PHF2: variants seen among roughly 807,000 people sequenced by gnomAD.
The protein encoded by PHF2 is lysine-specific demethylase PHF2.
A neutral mutation model predicts 120.5 loss-of-function variants in PHF2; 27 were observed. The ratio of observed to expected loss-of-function variants is 0.22; its 90% CI spans 0.17 to 0.31. PHF2 has a LOEUF of 0.31. Ranked by LOEUF, PHF2 falls within the 10% of genes least tolerant of loss-of-function variation. PHF2 has a pLI of 1.00. For missense variants in PHF2, 1,024 were observed against 1,434.8 expected (o/e 0.71, Z 4.63); for synonymous variants, 568 against 592.5 (o/e 0.96, Z 0.60).
At chr9:93,650,770 C>A (rs1316950159) in intron 5 of PHF2, among the ~76,000 whole-genome samples, 2 of 152,226 alleles carry the variant, frequency 1.3e-5, no homozygotes, top group Non-Finnish European at 2.9e-5. Context: ...CTCCAGCTGG[C>A]CCCTGGGAAA....
chr9:93,603,999 C>T (rs945390577), intron 1 of PHF2, among the ~76,000 whole-genome samples: 31 of 152,224 alleles, frequency 2.0e-4, no homozygotes, highest in Non-Finnish European at 4.1e-4. Context: ...CAGGAGACGG[C>T]AGTGTGTGCC....
At chr9:93,613,325 T>TA (rs1825668931) in intron 1 of PHF2, among the ~76,000 whole-genome samples, 1 of 152,186 alleles carries the variant, frequency 6.6e-6, no homozygotes, top group African/African-American at 2.4e-5. Context: ...CTCTGGGACT[T>TA]TAGCCACACA....
chr9:93,581,165 C>T (rs1010982797), intron 1 of PHF2, among the ~76,000 whole-genome samples: 2 of 152,304 alleles, frequency 1.3e-5, no homozygotes, highest in Admixed American at 1.3e-4. Flanking sequence ...TCTGTGTCCA[C>T]CTCCCTAGGG....
At chr9:93,652,483 G>C (rs1826385697) in intron 5 of PHF2, among the ~76,000 whole-genome samples, 1 of 151,856 alleles carries the variant, frequency 6.6e-6, no homozygotes, top group Non-Finnish European at 1.5e-5. Context: ...AGTAGAGACA[G>C]TGTTTCACCA....
intron 1 of PHF2, among the ~76,000 whole-genome samples, chr9:93,616,381 C>G (rs1587684182): frequency 6.7e-6 from 1 of 148,820 alleles, no homozygotes; most frequent in East Asian, 2.0e-4. Flanking sequence ...AAACTCCTTC[C>G]CAAGTTAGTC....
intron 1 of PHF2, among the ~76,000 whole-genome samples, chr9:93,609,159 A>G (rs1326772432): frequency 6.8e-6 from 1 of 146,398 alleles, no homozygotes; most frequent in African/African-American, 2.5e-5. Context: ...AATACTTAGC[A>G]CTCTATGGGT....
At chr9:93,641,469 T>G (rs1200654151) in intron 3 of PHF2, among the ~76,000 whole-genome samples, 1 of 152,238 alleles carries the variant, frequency 6.6e-6, no homozygotes, top group Non-Finnish European at 1.5e-5. Context: ...TGGTTGGTTG[T>G]TTGCCCTATG....
intron 1 of PHF2, among the ~76,000 whole-genome samples, chr9:93,629,471 G>T (rs1363710655): frequency 6.6e-6 from 1 of 152,132 alleles, no homozygotes; most frequent in Non-Finnish European, 1.5e-5. Flanking sequence ...TGGAGTCCTG[G>T]ACATGTCCTA....
rs925728735 is a variant in PHF2, at chr9:93,677,040, C to G, written c.3202+77C>G. The G allele has an allele frequency of 2.8e-6, 4 of 1,421,972 alleles. No homozygotes were observed. The highest frequency in any genetic ancestry group is 2.9e-5 in the African/African-American group (2 of 69,320). 88.1% of individuals were successfully genotyped at this position (1,421,972 alleles called of 1,614,324 possible). A position where few individuals can be genotyped will look rare whatever the true frequency, so the allele number is the denominator to read the frequency against. On this transcript the variant is annotated intron_variant, in intron 21 of 21. Transcript: ENST00000359246. The surrounding 1 kb of genome is among the most constrained non-coding windows in gnomAD (Gnocchi z 4.4). ...ATGGGCAGCCCCAGACATGCAGACT[C>G]GGCCCATGGTAGAGGGCAGCACATT... is the stretch of plus-strand genomic sequence containing the variant.
intron 1 of PHF2, among the ~76,000 whole-genome samples, chr9:93,628,577 A>G (rs369943772): frequency 6.6e-6 from 1 of 152,026 alleles, no homozygotes; most frequent in Admixed American, 6.5e-5. Flanking sequence ...CAGTGTCTTT[A>G]TGTTCATTTT....
chr9:93,677,771 G>GGGA lies in PHF2; in HGVS notation c.*98_*100dup. On this transcript the variant is annotated 3_prime_UTR_variant, in exon 22 of 22. Transcript: ENST00000359246. The surrounding 1 kb of genome is among the most constrained non-coding windows in gnomAD (Gnocchi z 4.4). ...AGGAGGGTGCCGAGCTGCCTCACCA[G>GGGA]GGAGGGCCTTGCCTCTTCCCGGCTG... is the stretch of plus-strand genomic sequence containing the variant. 1 of 867,376 alleles carries GGGA rather than the reference G, an allele frequency of 1.2e-6. No homozygotes were observed. The highest frequency in any genetic ancestry group is 1.9e-6 in the Non-Finnish European group (1 of 534,736). The allele number at this position is 867,376 out of a possible 1,614,324, so 53.7% of individuals were successfully genotyped here. A position where few individuals can be genotyped will look rare whatever the true frequency, so the allele number is the denominator to read the frequency against.
intron 1 of PHF2, among the ~76,000 whole-genome samples, chr9:93,599,711 G>T (rs1247500558): frequency 7.9e-5 from 12 of 152,222 alleles, no homozygotes; most frequent in African/African-American, 2.9e-4. Context: ...GGGCTGATGT[G>T]GTCCAGCACC....
At position 93,676,714 on chromosome 9, in the gene PHF2, T is replaced by TCCACCACCC. The variant is rs748696798; in HGVS notation, c.2954_2955insCACCACCCC (p.Thr986_Pro988dup). On this transcript the variant is annotated inframe_insertion, in exon 21 of 22. Coordinates refer to ENST00000359246, the MANE Select transcript of PHF2 (RefSeq NM_005392.4). The stretch of plus-strand genomic sequence containing the variant: ...CACCTCCACCTCCACCACGCCAGCC[T>TCCACCACCC]CTACCACCCCGGCCTCCACCACCCC... 11 of 1,563,118 alleles carry TCCACCACCC rather than the reference T, an allele frequency of 7.0e-6. No individual in the cohort carries two copies. The South Asian group carries it at 1.3e-4, about 18-fold the overall frequency.
chr9:93,611,395 A>G (rs557060261), intron 1 of PHF2, among the ~76,000 whole-genome samples: 4 of 149,210 alleles, frequency 2.7e-5, no homozygotes, highest in Admixed American at 6.8e-5. Flanking sequence ...AGCCTGGGCA[A>G]CAAGAGCAAA....
At chr9:93,610,848 T>C (rs745555371) in intron 1 of PHF2, among the ~76,000 whole-genome samples, 10 of 152,194 alleles carry the variant, frequency 6.6e-5, no homozygotes, top group African/African-American at 2.4e-5. Flanking sequence ...TAGAGAAGAC[T>C]TCTCCCTGTG....
intron 17 of PHF2, chr9:93,672,533 G>C: frequency 1.0e-6 from 1 of 984,984 alleles, no homozygotes. Context: ...TGCAGATGCA[G>C]GTGTGGGGGT....
intron 3 of PHF2, 77 bp from the exon 4 acceptor site, chr9:93,645,552 C>T: frequency 7.0e-7 from 1 of 1,427,392 alleles, no homozygotes; most frequent in South Asian, 1.5e-5. Flanking sequence ...CTCTCCAGCA[C>T]CGAGGCCCTG....
intron 17 of PHF2, among the ~76,000 whole-genome samples, chr9:93,670,147 G>T (rs970891416): frequency 6.6e-6 from 1 of 152,258 alleles, no homozygotes; most frequent in African/African-American, 2.4e-5. Flanking sequence ...CAGTGATGCT[G>T]ATGCAAGAGT....
Position 93,678,976 on chromosome 9 carries a change from A to T in PHF2, c.*1300A>T, listed in dbSNP as rs1398025078. The T allele has an allele frequency of 3.2e-6, 1 of 312,332 alleles. No individual in the cohort carries two copies. Among genetic ancestry groups the T allele is most frequent in the African/African-American group, 2.3e-5 (1 of 44,192 alleles). 19.3% of individuals were successfully genotyped at this position (312,332 alleles called of 1,614,324 possible). ...TACAGAAGCAAATAGTACACAAAAG[A>T]TCTATTTCAGACACATTTTGAAGAT... On this transcript the variant is annotated 3_prime_UTR_variant, in exon 22 of 22. Transcript: ENST00000359246.
Sources: allele counts gnomAD v4.1 joint callset (sites outside exome capture counted in the v4.1 genomes callset), GRCh38; gene constraint gnomAD v4.1.1; non-coding constraint Gnocchi (gnomAD v3.1); transcripts MANE v1.5; gene names NCBI Gene and HGNC (gene_info 2026-07-23, HGNC 2026-07-21).